The following KCNIP4 variants were observed in gnomAD, a reference collection of about 807,000 sequenced individuals.
The protein encoded by KCNIP4 is Kv channel-interacting protein 4.
A neutral mutation model predicts 34.0 loss-of-function variants in KCNIP4; 12 were observed. The observed-to-expected ratio is 0.35, with a 90% CI of 0.23 to 0.57. The LOEUF (loss-of-function observed/expected upper bound fraction) is 0.57. KCNIP4 is among the 20% of genes least tolerant of loss of function. KCNIP4 has a pLI of 0.83. For missense variants in KCNIP4, 238 were observed against 311.7 expected, an observed-to-expected ratio of 0.76 and a Z score of 1.78; for synonymous variants, 124 against 102.2, an observed-to-expected ratio of 1.21 and a Z score of -1.29.
chr4:20,831,812 G>T (rs113578665), intron 3 of KCNIP4, among the ~76,000 whole-genome samples: 1 of 152,202 alleles, frequency 6.6e-6, no homozygotes, highest in Non-Finnish European at 1.5e-5. Context: ...ATGGTGCCTT[G>T]ATTCTGCTGC....
intron 1 of KCNIP4, among the ~76,000 whole-genome samples, chr4:21,253,014 T>C (rs1371355954): frequency 1.3e-5 from 2 of 152,112 alleles, no homozygotes; most frequent in Non-Finnish European, 2.9e-5. Flanking sequence ...GGAAAGCACT[T>C]TGAACTTCTC....
intron 1 of KCNIP4, among the ~76,000 whole-genome samples, chr4:21,181,095 G>C (rs1754804523): frequency 1.3e-5 from 2 of 152,126 alleles, no homozygotes; most frequent in Admixed American, 1.3e-4. Context: ...AGTAAAACCT[G>C]CTGCAGTAGA....
chr4:20,802,984 A>T (rs1351215747), intron 3 of KCNIP4, among the ~76,000 whole-genome samples: 1 of 150,122 alleles, frequency 6.7e-6, no homozygotes, highest in African/African-American at 2.5e-5. Context: ...CTGAGGCAGG[A>T]GAATGGCGTG....
At chr4:21,282,252 T>C (rs1762823383) in intron 1 of KCNIP4, among the ~76,000 whole-genome samples, 2 of 152,346 alleles carry the variant, frequency 1.3e-5, no homozygotes, top group African/African-American at 2.4e-5. Context: ...TCATTTAACT[T>C]ACACTTAAAT....
intron 1 of KCNIP4, among the ~76,000 whole-genome samples, chr4:21,349,851 G>C (rs1440826160): frequency 6.6e-6 from 1 of 152,140 alleles, no homozygotes; most frequent in East Asian, 1.9e-4. Flanking sequence ...ACAAGCACAA[G>C]GGCTAGCATT....
chr4:21,380,447 G>GAGGGAA (rs2109472707), intron 1 of KCNIP4, among the ~76,000 whole-genome samples: 1 of 132,884 alleles, frequency 7.5e-6, no homozygotes, highest in Non-Finnish European at 1.7e-5. Flanking sequence ...GAGGGAGGGA[G>GAGGGAA]AGGGAGAGGG....
At chr4:21,346,847 T>G (rs1717480571) in intron 1 of KCNIP4, among the ~76,000 whole-genome samples, 1 of 152,082 alleles carries the variant, frequency 6.6e-6, no homozygotes, top group Non-Finnish European at 1.5e-5. Flanking sequence ...TTTTCCAAGA[T>G]AAAAAAGATG....
At position 21,569,381 on chromosome 4, in the gene KCNIP4, C is replaced by T. The variant is rs561307548; in HGVS notation, c.61+379190G>A. On this transcript the variant is annotated intron_variant, in intron 1 of 8. Coordinates refer to ENST00000382152, the MANE Select transcript of KCNIP4 (RefSeq NM_025221.6). ...AGGAAACAGCCCTGTTCTAAAACTG[C>T]TTACCATGAGTGCTAGTGAAAGAAT... 3.3e-5 allele frequency among the ~76,000 whole-genome samples: 5 copies of T among 151,344 alleles called. No individual in the cohort carries two copies. The East Asian group carries it at 7.8e-4, about 24-fold the overall frequency.
chr4:20,770,792 C>T (rs1464618004), intron 3 of KCNIP4, among the ~76,000 whole-genome samples: 1 of 151,866 alleles, frequency 6.6e-6, no homozygotes, highest in Non-Finnish European at 1.5e-5. Context: ...AAAATTAGCC[C>T]TGCATGGTGG....
chr4:21,060,776 T>C (rs953511307), intron 1 of KCNIP4, among the ~76,000 whole-genome samples: 2 of 152,204 alleles, frequency 1.3e-5, no homozygotes, highest in Non-Finnish European at 2.9e-5. Flanking sequence ...GACTCACTCC[T>C]TAAAGAATTG....
At chr4:21,051,515 C>T (rs1577600825) in intron 1 of KCNIP4, among the ~76,000 whole-genome samples, 1 of 152,042 alleles carries the variant, frequency 6.6e-6, no homozygotes, top group Non-Finnish European at 1.5e-5. Flanking sequence ...AAATGGAACT[C>T]ATTGGTTTGA....
chr4:21,852,051 A>G (rs936626492), intron 1 of KCNIP4: 3 of 151,284 alleles, frequency 2.0e-5, no homozygotes, highest in Non-Finnish European at 4.4e-5. Context: ...GATTATAGAG[A>G]TTCACAGCTG....
At chr4:21,465,648 T>C (rs1729857486) in intron 1 of KCNIP4, among the ~76,000 whole-genome samples, 1 of 152,112 alleles carries the variant, frequency 6.6e-6, no homozygotes, top group Non-Finnish European at 1.5e-5. Flanking sequence ...TCGCCTAACT[T>C]CTCCAAGCTT....
chr4:20,742,860 A>C (rs1224938838), intron 5 of KCNIP4, among the ~76,000 whole-genome samples: 1 of 152,202 alleles, frequency 6.6e-6, no homozygotes, highest in Non-Finnish European at 1.5e-5. Context: ...AAGCAACTTA[A>C]GCGAAGTCTC....
chr4:20,837,847 A>AT (rs1719254212), intron 3 of KCNIP4, among the ~76,000 whole-genome samples: 2 of 130,536 alleles, frequency 1.5e-5, no homozygotes, highest in East Asian at 2.1e-4. Context: ...ATGCCCAGCA[A>AT]ATTTTTTTTT....
At chr4:21,500,799 T>C (rs933292203) in intron 1 of KCNIP4, among the ~76,000 whole-genome samples, 4 of 152,116 alleles carry the variant, frequency 2.6e-5, no homozygotes, top group Non-Finnish European at 5.9e-5. Context: ...CTGTTGAATT[T>C]AGGAAAGCCA....
intron 1 of KCNIP4, among the ~76,000 whole-genome samples, chr4:21,279,225 G>A (rs2109160610): frequency 1.3e-5 from 2 of 152,244 alleles, no homozygotes; most frequent in South Asian, 4.2e-4. Context: ...AAGTTTCAAG[G>A]AAATTGCATC....
chr4:21,589,171 T>TGTAC lies in KCNIP4; in HGVS notation c.61+359399_61+359400insGTAC, dbSNP rs1192101278. ...ATGGAGGTGTGTATATATATATATA[T>TGTAC]ATATATATATATATATATATATATA... On this transcript the variant is annotated intron_variant, in intron 1 of 8. Coordinates refer to ENST00000382152, the MANE Select transcript of KCNIP4 (RefSeq NM_025221.6). 4.0e-3 allele frequency among the ~76,000 whole-genome samples: 196 copies of TGTAC among 49,386 alleles called. 2 individuals are homozygous for TGTAC. The highest frequency in any genetic ancestry group is 0.015 in the African/African-American group (179 of 12,220). 32.4% of individuals were successfully genotyped at this position (49,386 alleles called of 152,430 possible).
rs1338439962 is a variant in KCNIP4 at position 21,177,877 on chromosome 4, T to TATATATATATA, written c.62-295169_62-295168insTATATATATAT. ...AAAAAATTATATATATATATATATA[T>TATATATATATA]AAAATATAACATTTAAAAAGAAAAA... is the stretch of plus-strand genomic sequence containing the variant. On this transcript the variant is annotated intron_variant, in intron 1 of 8. Transcript: ENST00000382152. Among the ~76,000 whole-genome samples, 64 of 146,374 alleles carry TATATATATATA rather than the reference T, an allele frequency of 4.4e-4. 1 individual carries two copies. The East Asian group carries it at 6.3e-3, about 14-fold the overall frequency.
Sources: gnomAD v4.1 joint callset for allele counts (sites outside exome capture counted in the v4.1 genomes callset) on GRCh38, gnomAD v4.1.1 for gene constraint, MANE v1.5 for transcripts, NCBI Gene and HGNC (gene_info 2026-07-23, HGNC 2026-07-21) for gene names.